Variants in SPG7 observed in about 807,000 individuals in gnomAD.
SPG7 encodes the protein SPG7 matrix AAA peptidase subunit, paraplegin.
Under a neutral mutation model 81.9 loss-of-function variants are expected in SPG7, and 103 were observed. That is an observed-to-expected ratio of 1.26 (90% CI 1.07 to 1.48). The LOEUF (loss-of-function observed/expected upper bound fraction) is 1.48, where lower values mean the gene tolerates loss of function less well. Among genes scored for constraint, SPG7 ranks in the 40% most tolerant of loss-of-function variants. The pLI, the probability that SPG7 is intolerant of heterozygous loss-of-function variation, is 0.00. For missense variants in SPG7, 1,241 were observed against 1,087.3 expected (o/e 1.14, Z -1.99); for synonymous variants, 534 against 444.2 (o/e 1.20, Z -2.54).
chr16:89,515,461 G>T (rs1222588740), intron 3 of SPG7, among the ~76,000 whole-genome samples: 4 of 149,756 alleles, frequency 2.7e-5, no homozygotes, highest in Non-Finnish European at 5.9e-5. Flanking sequence ...TAGATACAGG[G>T]TTTTGCCATG....
intron 4 of SPG7, 43 bp downstream of exon 4, chr16:89,524,290 C>T (rs746915112): frequency 1.3e-6 from 2 of 1,579,786 alleles, no homozygotes; most frequent in Non-Finnish European, 1.7e-6. Context: ...GGTGTGGGCA[C>T]AGGCTGGCAG....
chr16:89,508,960 G>T (rs75386303), intron 1 of SPG7: 2 of 498,756 alleles, frequency 4.0e-6, no homozygotes, highest in African/African-American at 3.9e-5. Context: ...GATCGATTCC[G>T]TCACCAGGAA....
chr16:89,513,647 A>G (rs112813959), intron 3 of SPG7, among the ~76,000 whole-genome samples: 2 of 152,224 alleles, frequency 1.3e-5, no homozygotes, highest in Non-Finnish European at 2.9e-5. Context: ...GCTTGAGCCC[A>G]GGAGTTGGAG....
chr16:89,556,043 C>T (rs1214441300), intron 16 of SPG7: 5 of 398,810 alleles, frequency 1.3e-5, no homozygotes, highest in African/African-American at 1.0e-4. Context: ...CTGCAGAGCT[C>T]GGGCACATCA....
chr16:89,544,315 CGGTGGGG>C (rs1353103240), intron 9 of SPG7: 15 of 219,662 alleles, frequency 6.8e-5, no homozygotes, highest in Non-Finnish European at 2.4e-5. Flanking sequence ...GATGACAGGG[CGGTGGGG>C]GGTGGGGGGT....
In SPG7 at chr16:89,524,220, C is replaced by T. The variant is rs748901141; in HGVS notation, c.591C>T (p.His197=). The part of the protein sequence containing the change: ...PESDVVEVYL[H]PGAVVFGRPR... ...GCGACGTGGTGGAAGTCTACCTGCA[C>T]CCTGGAGCCGTGGTGTTTGGGCGGC... is the stretch of plus-strand genomic sequence containing the variant. Residue 197 remains histidine (H), a synonymous_variant, in exon 4 of 17, where the codon CAC becomes CAT. Coordinates refer to ENST00000645818, the MANE Select transcript of SPG7 (RefSeq NM_003119.4). 1 of 1,612,506 alleles carries T rather than the reference C, an allele frequency of 6.2e-7. No individual in the cohort carries two copies. Among genetic ancestry groups the T allele is most frequent in the Non-Finnish European group, 8.5e-7 (1 of 1,179,488 alleles).
chr16:89,540,711 G>T, intron 9 of SPG7: 1 of 187,940 alleles, frequency 5.3e-6, no homozygotes, highest in Non-Finnish European at 9.9e-6. Flanking sequence ...GAAACAGTTT[G>T]GCAGCTTCTT....
chr16:89,557,312 TATG>T lies in SPG7; in HGVS notation c.*220_*222del, dbSNP rs1305037232. The T allele has an allele frequency of 1.7e-6, 1 of 576,108 alleles. No individual in the cohort carries two copies. The highest frequency in any genetic ancestry group is 1.9e-5 in the African/African-American group (1 of 53,370). 35.7% of individuals were successfully genotyped at this position (576,108 alleles called of 1,614,324 possible). A position where few individuals can be genotyped will look rare whatever the true frequency, so the allele number is the denominator to read the frequency against. On this transcript the variant is annotated 3_prime_UTR_variant, in exon 17 of 17. Transcript: ENST00000645818. ...TCCTGTGTTTGTGAGTCGTTTCCCCTATGGGGAAGGTTATCAGTGCTTCCCGAG... is the reference window on the plus strand; with the variant it reads ...TCCTGTGTTTGTGAGTCGTTTCCCCTGGGAAGGTTATCAGTGCTTCCCGAG...
At chr16:89,522,019 A>G (rs2058194461) in intron 3 of SPG7, 1 of 152,190 alleles carries the variant, frequency 6.6e-6, no homozygotes, top group Non-Finnish European at 1.5e-5. Context: ...TCTAGTAGAA[A>G]ACACAATTGG....
chr16:89,543,646 ATTCTTTTTT>A (rs372355195), intron 9 of SPG7: 8,926 of 119,686 alleles, frequency 0.075, 475 homozygotes, highest in African/African-American at 0.18. Flanking sequence ...CCACCAGTGG[ATTCTTTTTT>A]TTTTTTTTTT....
At chr16:89,530,858 C>G in intron 7 of SPG7, 50 bp downstream of exon 7, 3 of 1,612,050 alleles carry the variant, frequency 1.9e-6, no homozygotes, top group Non-Finnish European at 2.5e-6. Flanking sequence ...GCCGGCCGTC[C>G]TCCTCTCCCA....
At chr16:89,519,704 A>G (rs1407385892) in intron 3 of SPG7, 1 of 152,222 alleles carries the variant, frequency 6.6e-6, no homozygotes, top group Non-Finnish European at 1.5e-5. Flanking sequence ...ATTTTCACAC[A>G]GCTTCTTGTG....
chr16:89,510,760 G>A (rs2058009661), intron 2 of SPG7, among the ~76,000 whole-genome samples, 168 bp downstream of exon 2: 1 of 152,116 alleles, frequency 6.6e-6, no homozygotes, highest in Non-Finnish European at 1.5e-5. Flanking sequence ...GAACTCCTGG[G>A]CTCAAGGGAT....
At chr16:89,546,091 T>TA (rs2058559986) in intron 10 of SPG7, 1 of 292,286 alleles carries the variant, frequency 3.4e-6, no homozygotes, top group East Asian at 1.1e-4. Flanking sequence ...AAGAGCGTTC[T>TA]CTTTTTTTTT....
At chr16:89,530,333 G>C (rs1219979701) in intron 6 of SPG7, 1 of 356,742 alleles carries the variant, frequency 2.8e-6, no homozygotes, top group African/African-American at 2.1e-5. Flanking sequence ...TTTTGGTAGA[G>C]ACAGGTTTCA....
chr16:89,553,280 C>T (rs2058655256), intron 14 of SPG7, 145 bp downstream of exon 14: 7 of 932,058 alleles, frequency 7.5e-6, no homozygotes, highest in Middle Eastern at 2.1e-4. Context: ...AAGTTGTGGT[C>T]ATAAGAGAGT....
At chr16:89,524,883 G>A (rs746091767) in intron 4 of SPG7, among the ~76,000 whole-genome samples, 28 of 152,158 alleles carry the variant, frequency 1.8e-4, no homozygotes, top group Non-Finnish European at 3.2e-4. Context: ...AAATGACCGT[G>A]GCCTCCACCA....
chr16:89,544,579 A>G (rs2058539027), intron 9 of SPG7, 69 bp from the exon 10 acceptor site: 1 of 1,585,034 alleles, frequency 6.3e-7, no homozygotes, highest in Non-Finnish European at 8.7e-7. Context: ...CCTGAAGGGG[A>G]ACCTGCAGGG....
rs570210206 is a variant in SPG7, at chr16:89,526,258, T to C, written c.619-71T>C. On this transcript the variant is annotated intron_variant, in intron 4 of 16. Transcript: ENST00000645818. ...TCATTACCATGAGTTCCAGGCGGGC[T>C]CTCTGTTGACTGTAGGGTTGCTCGT... The C allele has an allele frequency of 2.1e-5, 34 of 1,582,774 alleles. No homozygotes were observed. The East Asian group carries it at 7.2e-4, about 33-fold the overall frequency.
Sources: allele counts gnomAD v4.1 joint callset (sites outside exome capture counted in the v4.1 genomes callset), GRCh38; gene constraint gnomAD v4.1.1; transcripts MANE v1.5; gene names NCBI Gene and HGNC (gene_info 2026-07-23, HGNC 2026-07-21).